Variants in POLR3B observed in about 807,000 individuals in gnomAD.
POLR3B encodes DNA-directed RNA polymerase III subunit RPC2.
In POLR3B, 96 loss-of-function variants were observed where a neutral mutation model predicts 147.4. The observed-to-expected ratio is 0.65, with a 90% CI of 0.55 to 0.77. POLR3B has a LOEUF of 0.77. Among genes scored for constraint, POLR3B ranks in the 30% least tolerant of loss-of-function variants. The probability of loss-of-function intolerance (pLI) is 0.00; values close to 1 mark genes in which losing one functional copy is unlikely to be tolerated. For synonymous variants in POLR3B, 461 were observed against 485.9 expected (o/e 0.95, Z 0.67); for missense variants, 1,036 against 1,413.5 (o/e 0.73, Z 4.28).
In POLR3B at chr12:106,437,688, G is replaced by A; in HGVS notation, c.1864G>A (p.Glu622Lys). Reference protein sequence around the residue: ...EELAQGYRNFEDFLHESLVEY... With the variant: ...EELAQGYRNFKDFLHESLVEY... ...TCACCAATATTTTCCCAGGAATTTT[G>A]AAGATTTCTTACATGAGAGTCTGGT... The change falls in exon 18 of 28, where the codon GAA (glutamate) becomes AAA (lysine). Residue 622 changes from glutamate to lysine, a missense_variant. By Grantham distance (56) the Glu-to-Lys change is moderately conservative. Around this residue, in one of 12 missense-constraint regions of POLR3B, gnomAD observed 177 missense variants for 232.7 expected, o/e 0.76. Transcript: ENST00000228347. 2 of 1,579,880 alleles carry A rather than the reference G, an allele frequency of 1.3e-6. No individual in the cohort carries two copies. Among genetic ancestry groups the A allele is most frequent in the Non-Finnish European group, 1.7e-6 (2 of 1,149,294 alleles).
At chr12:106,479,126 T>C (rs1430870022) in intron 23 of POLR3B, among the ~76,000 whole-genome samples, 2 of 152,276 alleles carry the variant, frequency 1.3e-5, no homozygotes, top group East Asian at 3.9e-4. Flanking sequence ...GAGGTTTAAG[T>C]TCCTTCAGTT....
At position 106,367,993 on chromosome 12, in the gene POLR3B, C is replaced by T. The variant is rs11112950; in HGVS notation, c.227+1271C>T. 0.014 allele frequency among the ~76,000 whole-genome samples: 2,199 copies of T among 152,072 alleles called. 162 individuals carry two copies. In the East Asian group the frequency reaches 0.23, roughly 16 times the overall value. On this transcript the variant is annotated intron_variant, in intron 4 of 27. Coordinates refer to ENST00000228347, the MANE Select transcript of POLR3B (RefSeq NM_018082.6). ...ATAGTTTCCTTTTCCCCTCACATATCTCTCTATATTAATTTATATCAATTT... is the reference window on the plus strand; with the variant it reads ...ATAGTTTCCTTTTCCCCTCACATATTTCTCTATATTAATTTATATCAATTT...
intron 23 of POLR3B, among the ~76,000 whole-genome samples, chr12:106,475,913 T>C (rs1232204741): frequency 4.0e-5 from 6 of 151,666 alleles, no homozygotes; most frequent in African/African-American, 1.5e-4. Flanking sequence ...GTCATTATGA[T>C]GTTAGCTGGT....
At chr12:106,460,657 G>C (rs190145253) in intron 22 of POLR3B, among the ~76,000 whole-genome samples, 8 of 152,276 alleles carry the variant, frequency 5.3e-5, no homozygotes, top group Admixed American at 3.3e-4. Context: ...GCCTCTGCTG[G>C]TTGGCTCTCT....
intron 6 of POLR3B, among the ~76,000 whole-genome samples, chr12:106,370,147 A>G (rs1403931604): frequency 6.6e-6 from 1 of 151,932 alleles, no homozygotes; most frequent in African/African-American, 2.4e-5. Flanking sequence ...AAATATATTG[A>G]CTCTCCTTTA....
chr12:106,362,362 T>G (rs1304512641), intron 1 of POLR3B, among the ~76,000 whole-genome samples: 2 of 152,142 alleles, frequency 1.3e-5, no homozygotes, highest in African/African-American at 4.8e-5. Context: ...AGGGCTGCCG[T>G]AACAAAGTAA....
intron 23 of POLR3B, among the ~76,000 whole-genome samples, chr12:106,488,078 AAAG>A (rs1281421030): frequency 6.6e-6 from 1 of 152,238 alleles, no homozygotes; most frequent in African/African-American, 2.4e-5. Flanking sequence ...CATGTTTTGT[AAAG>A]AAGGTGGCAT....
At chr12:106,399,540 T>C (rs958742435) in intron 10 of POLR3B, among the ~76,000 whole-genome samples, 1 of 151,982 alleles carries the variant, frequency 6.6e-6, no homozygotes, top group Admixed American at 6.6e-5. Context: ...TTCACCAAAG[T>C]TGAAATGAAA....
intron 17 of POLR3B, among the ~76,000 whole-genome samples, 166 bp downstream of exon 17, chr12:106,437,297 A>G (rs2037590391): frequency 6.6e-6 from 1 of 152,238 alleles, no homozygotes; most frequent in Non-Finnish European, 1.5e-5. Flanking sequence ...TAAAATATTC[A>G]TCAATTTAGA....
chr12:106,390,004 C>T (rs528622368), intron 9 of POLR3B, among the ~76,000 whole-genome samples: 1 of 152,244 alleles, frequency 6.6e-6, no homozygotes, highest in East Asian at 1.9e-4. Context: ...GGATCACTTG[C>T]AGCCAGGAAT....
At chr12:106,396,392 A>G (rs1179038955) in intron 10 of POLR3B, among the ~76,000 whole-genome samples, 5 of 152,182 alleles carry the variant, frequency 3.3e-5, no homozygotes, top group African/African-American at 9.7e-5. Flanking sequence ...TTAAACTTTA[A>G]TGGCCTTTTA....
chr12:106,456,461 G>A (rs2037863941), intron 20 of POLR3B, among the ~76,000 whole-genome samples: 1 of 152,104 alleles, frequency 6.6e-6, no homozygotes, highest in South Asian at 2.1e-4. Flanking sequence ...CTTTAGGGCA[G>A]AGGAGAACTA....
Position 106,504,090 on chromosome 12 carries a change from T to C in POLR3B, c.3108T>C (p.Thr1036=), listed in dbSNP as rs760261511. 1.9e-6 allele frequency: 3 copies of C among 1,614,042 alleles called. No individual in the cohort carries two copies. The highest frequency in any genetic ancestry group is 2.5e-6 in the Non-Finnish European group (3 of 1,179,904). The change falls in exon 27 of 28, where the codon ACT becomes ACC. Residue 1036 remains threonine (T), a synonymous_variant. Transcript: ENST00000228347. The surrounding 1 kb of genome is among the most constrained non-coding windows in gnomAD (Gnocchi z 4.6). Reference sequence around the variant, plus strand: ...ATAACTTGTTTCAAAGGCAACCCACTGAAGGACGGTCTCGTGATGGTGGCT... The same window carrying C: ...ATAACTTGTTTCAAAGGCAACCCACCGAAGGACGGTCTCGTGATGGTGGCT... The part of the protein sequence containing the change: ...GPRAVLTRQP[T]EGRSRDGGLR...
At chr12:106,496,583 G>T (rs1949175131) in intron 24 of POLR3B, 169 bp from the exon 25 acceptor site, 3 of 661,666 alleles carry the variant, frequency 4.5e-6, no homozygotes, top group Non-Finnish European at 5.4e-6. Context: ...ATCTCATAGG[G>T]GTATTGAGAG....
chr12:106,393,592 TC>T (rs1297148821), intron 10 of POLR3B, among the ~76,000 whole-genome samples: 2 of 151,346 alleles, frequency 1.3e-5, no homozygotes, highest in Admixed American at 6.6e-5. Flanking sequence ...GCTTTAGGCA[TC>T]CAGTTGTATG....
chr12:106,428,308 C>CT (rs1355507676), intron 13 of POLR3B, among the ~76,000 whole-genome samples: 1 of 152,098 alleles, frequency 6.6e-6, no homozygotes, highest in African/African-American at 2.4e-5. Flanking sequence ...TTGAGTAGTT[C>CT]TTTTGCTCCT....
intron 19 of POLR3B, among the ~76,000 whole-genome samples, chr12:106,452,004 T>G (rs1256910940): frequency 6.6e-6 from 1 of 152,184 alleles, no homozygotes; most frequent in Admixed American, 6.5e-5. Context: ...ATTTTATATG[T>G]GTGTATATAT....
chr12:106,397,383 G>C (rs12307154), intron 10 of POLR3B, among the ~76,000 whole-genome samples: 146 of 152,214 alleles, frequency 9.6e-4, no homozygotes, highest in African/African-American at 3.4e-3. Context: ...TTATCCCACA[G>C]AGTTCCCCCT....
intron 23 of POLR3B, among the ~76,000 whole-genome samples, chr12:106,465,660 T>C (rs772849633): frequency 1.4e-4 from 21 of 152,200 alleles, no homozygotes; most frequent in Admixed American, 8.5e-4. Context: ...CCCCTCCCTG[T>C]GTCCAAGTGT....
Sources: allele counts gnomAD v4.1 joint callset (sites outside exome capture counted in the v4.1 genomes callset), GRCh38; gene constraint gnomAD v4.1.1; regional missense constraint gnomAD v4.1.1; non-coding constraint Gnocchi (gnomAD v3.1); transcripts MANE v1.5; gene names NCBI Gene and HGNC (gene_info 2026-07-23, HGNC 2026-07-21).